The following ITPR3 variants were observed in gnomAD, a reference collection of about 807,000 sequenced individuals.
ITPR3 encodes inositol 1,4,5-trisphosphate receptor type 3.
A neutral mutation model predicts 293.2 loss-of-function variants in ITPR3; 173 were observed. The ratio of observed to expected loss-of-function variants is 0.59; its 90% CI spans 0.52 to 0.67. The LOEUF is 0.67. Among genes scored for constraint, ITPR3 ranks in the 30% least tolerant of loss-of-function variants. The pLI, the probability that ITPR3 is intolerant of heterozygous loss-of-function variation, is 0.00. For synonymous variants in ITPR3, 1,295 were observed against 1,444.4 expected, an observed-to-expected ratio of 0.90 and a Z score of 2.35; for missense variants, 2,796 against 3,592.1, an observed-to-expected ratio of 0.78 and a Z score of 5.66.
At chr6:33,689,182 C>T in intron 49 of ITPR3, 56 bp from the exon 50 acceptor site, 1 of 1,589,748 alleles carries the variant, frequency 6.3e-7, no homozygotes, top group South Asian at 1.1e-5. Flanking sequence ...GTTGGACCTG[C>T]TCTGGGGCCG....
At position 33,658,206 on chromosome 6, in the gene ITPR3, G is replaced by A. The variant is rs1156284835; in HGVS notation, c.369+188G>A. On this transcript the variant is annotated intron_variant, in intron 4 of 57. Transcript: ENST00000605930. The surrounding 1 kb of genome is among the most constrained non-coding windows in gnomAD (Gnocchi z 6.1). Reference sequence around the variant, plus strand: ...GTGTGTCTGTTGCTGTGTGGCCTGAGTAGCTGTGCCATGGGTGTGTTTACA... The same window carrying A: ...GTGTGTCTGTTGCTGTGTGGCCTGAATAGCTGTGCCATGGGTGTGTTTACA... 2.0e-5 allele frequency among the ~76,000 whole-genome samples: 3 copies of A among 152,162 alleles called. No individual in the cohort carries two copies. Among genetic ancestry groups the A allele is most frequent in the Admixed American group, 6.5e-5 (1 of 15,284 alleles).
chr6:33,678,544 G>C lies in ITPR3; in HGVS notation c.3771+1G>C, dbSNP rs754601703. 1.9e-6 allele frequency: 3 copies of C among 1,608,824 alleles called. No individual in the cohort carries two copies. Among genetic ancestry groups the C allele is most frequent in the Non-Finnish European group, 2.5e-6 (3 of 1,177,840 alleles). ...CCTGCACCTCTTCCTCACGCCAGGG[G>C]TGAGGGTGCAGGGCTGGGAGCACCT... is the stretch of plus-strand genomic sequence containing the variant. On this transcript the variant is annotated splice_donor_variant, in intron 29 of 57. Coordinates refer to ENST00000605930, the MANE Select transcript of ITPR3 (RefSeq NM_002224.4). LOFTEE classifies it high-confidence loss of function.
At chr6:33,662,835 C>A in intron 8 of ITPR3, 76 bp from the exon 9 acceptor site, 1 of 1,507,336 alleles carries the variant, frequency 6.6e-7, no homozygotes, top group Non-Finnish European at 9.0e-7. Context: ...ACCCAGAGAT[C>A]TCCAGGCCTC....
intron 6 of ITPR3, 137 bp downstream of exon 6, chr6:33,659,256 G>A (rs189645908): frequency 6.5e-6 from 6 of 917,368 alleles, no homozygotes; most frequent in African/African-American, 4.9e-5. Context: ...CACGGCTTCT[G>A]CATCCATTTC....
intron 1 of ITPR3, among the ~76,000 whole-genome samples, chr6:33,629,302 C>T (rs6926568): frequency 0.26 from 39,862 of 151,964 alleles, 6,043 homozygotes; most frequent in East Asian, 0.4. Flanking sequence ...TTAATAGTTT[C>T]CTAATAGCAT....
In ITPR3 at chr6:33,666,051, C is replaced by T. The variant is rs1369920882; in HGVS notation, c.1551+75C>T. 2 of 1,508,934 alleles carry T rather than the reference C, an allele frequency of 1.3e-6. No individual in the cohort carries two copies. The highest frequency in any genetic ancestry group is 1.8e-6 in the Non-Finnish European group (2 of 1,116,690). 93.5% of individuals were successfully genotyped at this position (1,508,934 alleles called of 1,614,324 possible). On this transcript the variant is annotated intron_variant, in intron 14 of 57. Coordinates refer to ENST00000605930, the MANE Select transcript of ITPR3 (RefSeq NM_002224.4). This position sits in a 1 kb window ranked among gnomAD's most constrained non-coding sequence, Gnocchi z 5.1. Reference sequence around the variant, plus strand: ...GGGATGCCTTCAACTGCAGGCTCATCCCCCGCTTTAACAAAAATCAGTATA... The same window carrying T: ...GGGATGCCTTCAACTGCAGGCTCATTCCCCGCTTTAACAAAAATCAGTATA...
At chr6:33,659,381 G>A (rs1177373348) in intron 6 of ITPR3, 85 bp from the exon 7 acceptor site, 4 of 1,243,240 alleles carry the variant, frequency 3.2e-6, no homozygotes, top group Non-Finnish European at 4.7e-6. Flanking sequence ...AATGGTGGCT[G>A]GGCTGCTTCT....
intron 9 of ITPR3, 99 bp downstream of exon 9, chr6:33,663,105 CCT>C: frequency 4.1e-6 from 4 of 984,044 alleles, no homozygotes; most frequent in Non-Finnish European, 6.2e-6. Flanking sequence ...GGCACATGTG[CCT>C]ATGGACCCTG....
Position 33,663,873 on chromosome 6 carries a change from G to C in ITPR3, c.1141G>C (p.Val381Leu), listed in dbSNP as rs1764541492. The change falls in exon 11 of 58, where the codon GTG becomes CTG. Residue 381 changes from valine (V) to leucine (L), a missense_variant. By Grantham distance (32) the Val-to-Leu change is conservative. Coordinates refer to ENST00000605930, the MANE Select transcript of ITPR3 (RefSeq NM_002224.4). ...CACCTTGCAGAAAACCGACTCTTTC[G>C]TGCCCCGGTGGGTATGCGCCATGTG... is the stretch of plus-strand genomic sequence containing the variant. Reference protein sequence around the residue: ...PTTLQKTDSFVPRNSYVRLRH... With the variant: ...PTTLQKTDSFLPRNSYVRLRH... The C allele has an allele frequency of 6.2e-7, 1 of 1,614,078 alleles. No homozygotes were observed. Among genetic ancestry groups the C allele is most frequent in the Non-Finnish European group, 8.5e-7 (1 of 1,180,004 alleles).
At position 33,658,819 on chromosome 6, in the gene ITPR3, C is replaced by T. The variant is rs777573832; in HGVS notation, c.519C>T (p.Asn173=). 1.3e-5 allele frequency: 21 copies of T among 1,613,942 alleles called. No homozygotes were observed. The highest frequency in any genetic ancestry group is 2.2e-5 in the East Asian group (1 of 44,894). Reference sequence around the variant, plus strand: ...AGCCCTTCTGGAAGCTGCGGAGCAACGGGGACAACGTGAGGGCAGGGCCAG... The same window carrying T: ...AGCCCTTCTGGAAGCTGCGGAGCAATGGGGACAACGTGAGGGCAGGGCCAG... ...FIQPFWKLRS[N]GDNVVVGDKV... The change falls in exon 5 of 58, where the codon AAC becomes AAT. Residue 173 remains asparagine (N), a synonymous_variant. Transcript: ENST00000605930. The surrounding 1 kb of genome is among the most constrained non-coding windows in gnomAD (Gnocchi z 6.1).
intron 55 of ITPR3, among the ~76,000 whole-genome samples, chr6:33,693,337 G>A (rs1372692425): frequency 2.6e-5 from 4 of 152,192 alleles, no homozygotes; most frequent in South Asian, 4.1e-4. Flanking sequence ...GCTGCTGCGG[G>A]AGGGCTGCAG....
intron 1 of ITPR3, among the ~76,000 whole-genome samples, chr6:33,634,905 G>A (rs1419407693): frequency 6.6e-6 from 1 of 152,088 alleles, no homozygotes. Context: ...CCTCTGAGGA[G>A]GGGGACTCTG....
At chr6:33,693,512 T>C in intron 55 of ITPR3, 33 bp from the exon 56 acceptor site, 1 of 1,608,804 alleles carries the variant, frequency 6.2e-7, no homozygotes, top group African/African-American at 1.3e-5. Context: ...TCTTGAAGGC[T>C]GATGGTTTCA....
chr6:33,649,520 C>A (rs1340330734), intron 2 of ITPR3, among the ~76,000 whole-genome samples: 1 of 152,252 alleles, frequency 6.6e-6, no homozygotes, highest in Non-Finnish European at 1.5e-5. Context: ...CCACCGCGCC[C>A]AGCCTATTTT....
chr6:33,655,994 G>A lies in ITPR3; in HGVS notation c.282+107G>A. ...CCAGTAGGGGCTCTGTGGCTGAGCT[G>A]AGTGGTTTCTAAAACTCGTATGGGC... On this transcript the variant is annotated intron_variant, in intron 3 of 57. Transcript: ENST00000605930. This position sits in a 1 kb window ranked among gnomAD's most constrained non-coding sequence, Gnocchi z 4.9. 6.9e-7 allele frequency: 1 copy of A among 1,458,704 alleles called. No homozygotes were observed. Among genetic ancestry groups the A allele is most frequent in the African/African-American group, 1.4e-5 (1 of 71,238 alleles). 90.4% of individuals were successfully genotyped at this position (1,458,704 alleles called of 1,614,324 possible).
In ITPR3 at chr6:33,673,580, C is replaced by T; in HGVS notation, c.2929-11C>T. ...ACCCCATCCTCACCTGACCTTTCCTCTCTTCTCCAGTTCATCCTCAATGTC... is the reference window on the plus strand; with the variant it reads ...ACCCCATCCTCACCTGACCTTTCCTTTCTTCTCCAGTTCATCCTCAATGTC... On this transcript the variant is annotated splice_polypyrimidine_tract_variant and intron_variant, in intron 22 of 57. Coordinates refer to ENST00000605930, the MANE Select transcript of ITPR3 (RefSeq NM_002224.4). 6.2e-7 allele frequency: 1 copy of T among 1,613,966 alleles called. No individual in the cohort carries two copies. Among genetic ancestry groups the T allele is most frequent in the Non-Finnish European group, 8.5e-7 (1 of 1,179,866 alleles).
chr6:33,677,505 T>A lies in ITPR3; in HGVS notation c.3524T>A (p.Ile1175Asn). The A allele has an allele frequency of 6.2e-7, 1 of 1,613,810 alleles. No individual in the cohort carries two copies. The highest frequency in any genetic ancestry group is 8.5e-7 in the Non-Finnish European group (1 of 1,179,862). The change falls in exon 28 of 58, where the codon ATC (isoleucine) becomes AAC (asparagine). Residue 1175 changes from isoleucine to asparagine, a missense_variant and splice_region_variant. Coordinates refer to ENST00000605930, the MANE Select transcript of ITPR3 (RefSeq NM_002224.4). ...SSENYQIVKG[I>N]LERLNKMCGV... ...CTGGCTCACCCGCCTCCCCTGCAGA[T>A]CCTGGAAAGGCTGAACAAGATGTGC...
chr6:33,652,226 G>A (rs1322649369), intron 2 of ITPR3, among the ~76,000 whole-genome samples: 3 of 152,004 alleles, frequency 2.0e-5, no homozygotes, highest in Admixed American at 2.0e-4. Flanking sequence ...TGTGTGCCTC[G>A]TAACCTCTTC....
Position 33,693,525 on chromosome 6 carries a change from C to T in ITPR3, c.7625-20C>T. ...GCTCTTGAAGGCTGATGGTTTCATT[C>T]CCGCCCTCTGCACCCTCAGGTCTGG... On this transcript the variant is annotated intron_variant, in intron 55 of 57. Coordinates refer to ENST00000605930, the MANE Select transcript of ITPR3 (RefSeq NM_002224.4). 1 of 1,612,590 alleles carries T rather than the reference C, an allele frequency of 6.2e-7. No homozygotes were observed. Among genetic ancestry groups the T allele is most frequent in the African/African-American group, 1.3e-5 (1 of 75,040 alleles).
Sources: gnomAD v4.1 joint callset for allele counts (sites outside exome capture counted in the v4.1 genomes callset) on GRCh38, gnomAD v4.1.1 for gene constraint, Gnocchi (gnomAD v3.1) non-coding constraint, MANE v1.5 for transcripts, NCBI Gene and HGNC (gene_info 2026-07-23, HGNC 2026-07-21) for gene names.